MYPN: variants seen among roughly 807,000 people sequenced by gnomAD.
MYPN encodes the protein sarcomeric protein myopalladin, 145 kDa (MYOP).
A neutral mutation model predicts 129.4 loss-of-function variants in MYPN; 63 were observed. The observed-to-expected ratio is 0.49, with a 90% confidence interval of 0.40 to 0.60. The LOEUF is 0.60. MYPN is among the 20% of genes least tolerant of loss of function. The probability of loss-of-function intolerance (pLI) is 0.00; values close to 1 mark genes in which losing one functional copy is unlikely to be tolerated. For missense variants in MYPN, 1,596 were observed against 1,635.4 expected, an observed-to-expected ratio of 0.98 and a Z score of 0.42; for synonymous variants, 629 against 600.9, an observed-to-expected ratio of 1.05 and a Z score of -0.68.
intron 19 of MYPN, among the ~76,000 whole-genome samples, chr10:68,208,250 C>T (rs1363329601): frequency 1.3e-5 from 2 of 152,100 alleles, no homozygotes; most frequent in Non-Finnish European, 2.9e-5. Context: ...ATAAGACTAG[C>T]TCTGTCTATT....
chr10:68,114,643 C>T (rs1318090925), intron 1 of MYPN, among the ~76,000 whole-genome samples: 1 of 152,108 alleles, frequency 6.6e-6, no homozygotes, highest in African/African-American at 2.4e-5. Flanking sequence ...GCCACTGTGC[C>T]CCACCATAAA....
At chr10:68,142,007 T>G (rs575324100) in intron 2 of MYPN, among the ~76,000 whole-genome samples, 92 of 152,252 alleles carry the variant, frequency 6.0e-4, no homozygotes, top group Non-Finnish European at 1.0e-3. Flanking sequence ...AATGTTTTGC[T>G]GCTTGAATGA....
At chr10:68,149,372 C>G (rs1035892351) in intron 5 of MYPN, among the ~76,000 whole-genome samples, 3 of 152,200 alleles carry the variant, frequency 2.0e-5, no homozygotes, top group African/African-American at 7.2e-5. Flanking sequence ...TATATGTATG[C>G]ATAGACTTTA....
chr10:68,197,091 T>C lies in MYPN; in HGVS notation c.3159-261T>C, dbSNP rs6480311. Among the ~76,000 whole-genome samples, 88,080 of 151,916 alleles carry C rather than the reference T, an allele frequency of 0.58. 27,511 individuals carry two copies. The highest frequency in any genetic ancestry group is 0.69 in the Non-Finnish European group (46,951 of 67,960). ...AGCAAGGGGAGCTGAGCCCACTTAATCCAGAATGACAGAAAGAAGCTAAGC... is the reference window on the plus strand; with the variant it reads ...AGCAAGGGGAGCTGAGCCCACTTAACCCAGAATGACAGAAAGAAGCTAAGC... On this transcript the variant is annotated intron_variant, in intron 15 of 19. Coordinates refer to ENST00000358913, the MANE Select transcript of MYPN (RefSeq NM_032578.4).
intron 2 of MYPN, among the ~76,000 whole-genome samples, chr10:68,133,466 G>A (rs2042441081): frequency 6.6e-6 from 1 of 152,026 alleles, no homozygotes; most frequent in African/African-American, 2.4e-5. Context: ...TATGCAATTG[G>A]GTACAGGGCT....
chr10:68,130,879 A>T (rs2134023584), intron 2 of MYPN, among the ~76,000 whole-genome samples: 1 of 152,334 alleles, frequency 6.6e-6, no homozygotes, highest in African/African-American at 2.4e-5. Context: ...CAGTTGATGG[A>T]AAAGTATATC....
In MYPN at chr10:68,210,693, C is replaced by T. The variant is rs753329495; in HGVS notation, c.*238C>T. 1.6e-6 allele frequency: 1 copy of T among 620,224 alleles called. No individual in the cohort carries two copies. Among genetic ancestry groups the T allele is most frequent in the South Asian group, 1.5e-5 (1 of 65,978 alleles). 38.4% of individuals were successfully genotyped at this position (620,224 alleles called of 1,614,324 possible). A position where few individuals can be genotyped will look rare whatever the true frequency, so the allele number is the denominator to read the frequency against. ...ATGTGAGAAGATAATACAGATGAAC[C>T]AAAGATGTCACACAGTTGCCATCCA... On this transcript the variant is annotated 3_prime_UTR_variant, in exon 20 of 20. Coordinates refer to ENST00000358913, the MANE Select transcript of MYPN (RefSeq NM_032578.4).
chr10:68,137,211 A>C (rs867825832), intron 2 of MYPN, among the ~76,000 whole-genome samples: 3 of 152,308 alleles, frequency 2.0e-5, no homozygotes, highest in South Asian at 2.1e-4. Flanking sequence ...CATTGTTCGC[A>C]TATCTCTTTA....
chr10:68,163,843 G>T (rs1275352190), intron 8 of MYPN, among the ~76,000 whole-genome samples: 1 of 152,084 alleles, frequency 6.6e-6, no homozygotes, highest in East Asian at 1.9e-4. Flanking sequence ...CTATATTTCT[G>T]TCCAGAACCT....
rs749100162 is a variant in MYPN, at chr10:68,195,433, C to G, written c.3076-17C>G. The G allele has an allele frequency of 1.2e-6, 2 of 1,612,342 alleles. No individual in the cohort carries two copies. The highest frequency in any genetic ancestry group is 1.7e-6 in the Non-Finnish European group (2 of 1,178,476). On this transcript the variant is annotated splice_polypyrimidine_tract_variant and intron_variant, in intron 14 of 19. Coordinates refer to ENST00000358913, the MANE Select transcript of MYPN (RefSeq NM_032578.4). Reference sequence around the variant, plus strand: ...AGATTGTTCTTGTTTTAATCTTGCTCTTTTTCTGTTTGTCAGGGGAGAATC... The same window carrying G: ...AGATTGTTCTTGTTTTAATCTTGCTGTTTTTCTGTTTGTCAGGGGAGAATC...
rs1395308125 is a variant in MYPN, at chr10:68,146,121, T to TA, written c.1130+595_1130+596insA. On this transcript the variant is annotated intron_variant, in intron 4 of 19. Transcript: ENST00000358913. ...TCAAACACAAAACAAACAGCAACAT[T>TA]TAAAAAAAATCTTAACATGGCATAC... Among the ~76,000 whole-genome samples, 705 of 149,882 alleles carry TA rather than the reference T, an allele frequency of 4.7e-3. 4 individuals carry two copies. Among genetic ancestry groups the TA allele is most frequent in the African/African-American group, 0.017 (675 of 39,322 alleles).
chr10:68,204,902 C>T (rs1373017247), intron 18 of MYPN, among the ~76,000 whole-genome samples: 4 of 151,926 alleles, frequency 2.6e-5, no homozygotes, highest in Non-Finnish European at 4.4e-5. Context: ...GTGTGCACTC[C>T]AACCCCAGCT....
In MYPN at chr10:68,194,440, A is replaced by C; in HGVS notation, c.3003A>C (p.Thr1001=). 1 of 1,613,960 alleles carries C rather than the reference A, an allele frequency of 6.2e-7. No individual in the cohort carries two copies. Among genetic ancestry groups the C allele is most frequent in the Non-Finnish European group, 8.5e-7 (1 of 1,179,916 alleles). Reference sequence around the variant, plus strand: ...AAATGAGGCGAGAAGGAGATGGGACATGCTCTCTGCACATTGAATCCACTA... The same window carrying C: ...AAATGAGGCGAGAAGGAGATGGGACCTGCTCTCTGCACATTGAATCCACTA... ...HCKMRREGDG[T]CSLHIESTTS... Residue 1001 remains threonine (T), a synonymous_variant, in exon 14 of 20, where the codon ACA becomes ACC. Transcript: ENST00000358913.
Position 68,158,802 on chromosome 10 carries a change from G to A in MYPN, c.1459+175G>A, listed in dbSNP as rs926225326. 3.3e-5 allele frequency among the ~76,000 whole-genome samples: 5 copies of A among 152,014 alleles called. No individual in the cohort carries two copies. In the East Asian group the frequency reaches 9.6e-4, roughly 29 times the overall value. On this transcript the variant is annotated intron_variant, in intron 7 of 19. Coordinates refer to ENST00000358913, the MANE Select transcript of MYPN (RefSeq NM_032578.4). ...ATATGTTCTCCAAGAATTTTTCCATGCATAGTTTTTAAAGAAAAGCATCAT... is the reference window on the plus strand; with the variant it reads ...ATATGTTCTCCAAGAATTTTTCCATACATAGTTTTTAAAGAAAAGCATCAT...
At chr10:68,100,214 A>G (rs1413462968) in intron 1 of MYPN, among the ~76,000 whole-genome samples, 1 of 152,198 alleles carries the variant, frequency 6.6e-6, no homozygotes, top group Non-Finnish European at 1.5e-5. Flanking sequence ...TAAATTATGA[A>G]TTAAATATGA....
rs1373996052 is a variant in MYPN, at chr10:68,210,457, A to G, written c.*2A>G. 1 of 1,613,880 alleles carries G rather than the reference A, an allele frequency of 6.2e-7. No homozygotes were observed. The highest frequency in any genetic ancestry group is 2.2e-5 in the East Asian group (1 of 44,878). ...GTAGTGGAGAGTGATGAACTTTAAG[A>G]ATGTCTAGGTACCTGCTGTGTAAGA... On this transcript the variant is annotated 3_prime_UTR_variant, in exon 20 of 20. Coordinates refer to ENST00000358913, the MANE Select transcript of MYPN (RefSeq NM_032578.4).
intron 3 of MYPN, among the ~76,000 whole-genome samples, chr10:68,144,871 G>A (rs2042635904): frequency 6.6e-6 from 1 of 152,132 alleles, no homozygotes; most frequent in Non-Finnish European, 1.5e-5. Flanking sequence ...GCATCAGCAG[G>A]TGTTTTACAT....
At chr10:68,136,311 C>G in intron 2 of MYPN, 1 of 969,098 alleles carries the variant, frequency 1.0e-6, no homozygotes, top group African/African-American at 1.7e-5. Context: ...TTATCCCAAT[C>G]ATTGACTCAT....
At chr10:68,146,587 CAG>C (rs2042670574) in intron 4 of MYPN, among the ~76,000 whole-genome samples, 1 of 152,290 alleles carries the variant, frequency 6.6e-6, no homozygotes, top group East Asian at 1.9e-4. Flanking sequence ...TTAAATGAAA[CAG>C]ATATTTATTT....
Sources: allele counts gnomAD v4.1 joint callset (sites outside exome capture counted in the v4.1 genomes callset), GRCh38; gene constraint gnomAD v4.1.1; transcripts MANE v1.5; gene names NCBI Gene and HGNC (gene_info 2026-07-23, HGNC 2026-07-21).